ZNF611: variants seen among roughly 807,000 people sequenced by gnomAD.
The protein encoded by ZNF611 is zinc finger protein 611.
ZNF611 carries 6 observed loss-of-function variants against 8.9 expected under a neutral mutation model. The ratio of observed to expected loss-of-function variants is 0.68; its 90% CI spans 0.37 to 1.34. ZNF611 has a LOEUF of 1.34. Among genes scored for constraint, ZNF611 ranks in the 40% most tolerant of loss-of-function variants. The probability of loss-of-function intolerance (pLI) is 0.02; values close to 1 mark genes in which losing one functional copy is unlikely to be tolerated. For missense variants in ZNF611, 874 were observed against 841.3 expected, an observed-to-expected ratio of 1.04 and a Z score of -0.48; for synonymous variants, 262 against 279.7, an observed-to-expected ratio of 0.94 and a Z score of 0.63.
chr19:52,705,812 G>C lies in ZNF611; in HGVS notation c.1243C>G (p.Arg415Gly). 3 of 1,612,412 alleles carry C rather than the reference G, an allele frequency of 1.9e-6. No homozygotes were observed. The highest frequency in any genetic ancestry group is 2.5e-6 in the Non-Finnish European group (3 of 1,179,596). ...TAFTWHSQLA[R>G]HRRIHTAKKT... ...TTTGCAGTATGAATTCTTCTATGTC[G>C]AGCCAGCTGTGAATGCCACGTGAAA... The change falls in exon 6 of 6, where the codon CGA (arginine) becomes GGA (glycine). Residue 415 changes from arginine (R) to glycine (G), a missense_variant. By Grantham distance (125) the Arg-to-Gly change is moderately radical. Transcript: ENST00000652185.
rs1455504679 is a variant in ZNF611, at chr19:52,705,184, C to T, written c.1871G>A (p.Cys624Tyr). The T allele has an allele frequency of 1.2e-6, 2 of 1,614,060 alleles. No homozygotes were observed. Among genetic ancestry groups the T allele is most frequent in the Admixed American group, 3.3e-5 (2 of 59,998 alleles). ...RLHSGEKPYK[C>Y]NECGNTFRHC... is the part of the protein sequence containing the mutation. ...ACGGAAGGTATTGCCACACTCATTACACTTGTAAGGTTTCTCACCACTATG... is the reference window on the plus strand; with the variant it reads ...ACGGAAGGTATTGCCACACTCATTATACTTGTAAGGTTTCTCACCACTATG... Residue 624 changes from cysteine to tyrosine, a missense_variant, in exon 6 of 6, where the codon TGT (cysteine) becomes TAT (tyrosine). Coordinates refer to ENST00000652185, the MANE Select transcript of ZNF611 (RefSeq NM_001161499.2).
intron 1 of ZNF611, among the ~76,000 whole-genome samples, chr19:52,733,472 T>G (rs2062437745): frequency 6.6e-6 from 1 of 152,112 alleles, no homozygotes; most frequent in African/African-American, 2.4e-5. Context: ...GGTTATTTAC[T>G]TACTTTTTTG....
chr19:52,714,686 TCA>T (rs1385788257), intron 4 of ZNF611, among the ~76,000 whole-genome samples: 1 of 69,136 alleles, frequency 1.4e-5, no homozygotes, highest in Non-Finnish European at 2.6e-5. Context: ...ACACTCCATC[TCA>T]AAAAACAAAA....
At position 52,717,219 on chromosome 19, in the gene ZNF611, C is replaced by T. The variant is rs533835085; in HGVS notation, c.-19-1306G>A. Among the ~76,000 whole-genome samples the T allele has an allele frequency of 1.8e-4, 27 of 152,266 alleles. No homozygotes were observed. The South Asian group carries it at 4.3e-3, about 25-fold the overall frequency. On this transcript the variant is annotated intron_variant, in intron 3 of 5. Transcript: ENST00000652185. ...TCTCCATAAAATGTATAAAATTAAG[C>T]TCTGCCCCGACTATCTTGGGCAAAA...
At chr19:52,732,774 G>A (rs1226334173) in intron 1 of ZNF611, among the ~76,000 whole-genome samples, 3 of 134,704 alleles carry the variant, frequency 2.2e-5, no homozygotes, top group Non-Finnish European at 3.2e-5. Context: ...GTGAAACTCC[G>A]TTTCTACAAA....
At chr19:52,725,907 A>T (rs112231636) in intron 3 of ZNF611, among the ~76,000 whole-genome samples, 4,287 of 152,200 alleles carry the variant, frequency 0.028, 190 homozygotes, top group African/African-American at 0.095. Context: ...GGACCTGTGC[A>T]TCTCTCCGCC....
intron 4 of ZNF611, among the ~76,000 whole-genome samples, chr19:52,714,419 A>G (rs1353530093): frequency 3.3e-5 from 5 of 152,184 alleles, no homozygotes; most frequent in Admixed American, 6.5e-5. Context: ...CAGGCATGGC[A>G]GTTCACGCTT....
chr19:52,717,032 C>CAA (rs1012014951), intron 3 of ZNF611, among the ~76,000 whole-genome samples: 1 of 137,032 alleles, frequency 7.3e-6, no homozygotes, highest in Admixed American at 7.4e-5. Context: ...GACTTCATCT[C>CAA]AAAAAAAAAA....
intron 5 of ZNF611, among the ~76,000 whole-genome samples, chr19:52,713,479 G>C (rs1659179377): frequency 6.6e-6 from 1 of 152,188 alleles, no homozygotes; most frequent in African/African-American, 2.4e-5. Flanking sequence ...GAGCCCGAAT[G>C]ATGTCCTCGC....
intron 5 of ZNF611, among the ~76,000 whole-genome samples, chr19:52,707,975 T>C (rs1018446448): frequency 6.6e-6 from 1 of 152,082 alleles, no homozygotes; most frequent in African/African-American, 2.4e-5. Context: ...TTATATTGCA[T>C]ACCACATACC....
intron 5 of ZNF611, among the ~76,000 whole-genome samples, chr19:52,709,118 A>T (rs532657044): frequency 6.6e-6 from 1 of 152,174 alleles, no homozygotes; most frequent in Non-Finnish European, 1.5e-5. Flanking sequence ...CATTGGCTAA[A>T]AGCCACTATC....
intron 3 of ZNF611, chr19:52,723,761 G>A (rs2062374797): frequency 6.6e-6 from 1 of 152,238 alleles, no homozygotes; most frequent in Non-Finnish European, 1.5e-5. Context: ...TACCATCTCA[G>A]AGAGGGGGAT....
In ZNF611 at chr19:52,705,504, C is replaced by A. The variant is rs758332045; in HGVS notation, c.1551G>T (p.Lys517Asn). The change falls in exon 6 of 6, where the codon AAG (lysine) becomes AAT (asparagine). Residue 517 changes from lysine (K) to asparagine (N), a missense_variant. Coordinates refer to ENST00000652185, the MANE Select transcript of ZNF611 (RefSeq NM_001161499.2). ...CAAGGCTTGATTTACGACTGAAAACCTTTTCACATTCATCACATTTGTAAG... is the reference window on the plus strand; with the variant it reads ...CAAGGCTTGATTTACGACTGAAAACATTTTCACATTCATCACATTTGTAAG... ...EQPYKCDECE[K>N]VFSRKSSLET... The A allele has an allele frequency of 9.9e-6, 16 of 1,613,388 alleles. No homozygotes were observed. Among genetic ancestry groups the A allele is most frequent in the Non-Finnish European group, 3.4e-6 (4 of 1,179,870 alleles).
intron 3 of ZNF611, among the ~76,000 whole-genome samples, chr19:52,718,490 AAG>A (rs1462171194): frequency 6.6e-6 from 1 of 151,884 alleles, no homozygotes; most frequent in Admixed American, 6.6e-5. Flanking sequence ...GGACAGCAGT[AAG>A]AGTGTCTCAA....
Position 52,704,609 on chromosome 19 carries a change from A to T in ZNF611, c.*328T>A. 1 of 1,578,900 alleles carries T rather than the reference A, an allele frequency of 6.3e-7. No homozygotes were observed. The highest frequency in any genetic ancestry group is 8.7e-7 in the Non-Finnish European group (1 of 1,149,810). On this transcript the variant is annotated 3_prime_UTR_variant, in exon 6 of 6. Coordinates refer to ENST00000652185, the MANE Select transcript of ZNF611 (RefSeq NM_001161499.2). ...TTGCCACATTTATTACACTTGTAAG[A>T]TCTCTCTTCATTATGGATTCTCCAA...
At chr19:52,729,335 A>T (rs73934873) in intron 2 of ZNF611, among the ~76,000 whole-genome samples, 2,643 of 151,982 alleles carry the variant, frequency 0.017, 82 homozygotes, top group African/African-American at 0.059. Flanking sequence ...ATAAGAAAAG[A>T]TTACAAAATT....
rs1217015492 is a variant in ZNF611 at position 52,718,399 on chromosome 19, A to G, written c.-19-2486T>C. 6.6e-5 allele frequency among the ~76,000 whole-genome samples: 10 copies of G among 151,940 alleles called. No homozygotes were observed. In the East Asian group the frequency reaches 1.9e-3, roughly 29 times the overall value. ...GCGTGCCTGTGGTCCCAGGGAATCC[A>G]GAGGCTGAGGTGGGAAAATCACTTG... On this transcript the variant is annotated intron_variant, in intron 3 of 5. Transcript: ENST00000652185.
intron 2 of ZNF611, 131 bp downstream of exon 2, chr19:52,729,775 A>C (rs2062414343): frequency 6.6e-6 from 1 of 152,174 alleles, no homozygotes; most frequent in Non-Finnish European, 1.5e-5. Context: ...TTCCCTCTTA[A>C]GAAAAAAGCC....
intron 3 of ZNF611, among the ~76,000 whole-genome samples, chr19:52,717,959 A>C (rs1047537628): frequency 1.3e-5 from 2 of 152,220 alleles, no homozygotes; most frequent in African/African-American, 4.8e-5. Flanking sequence ...AACTGAACAC[A>C]ATCTCATAGA....
Sources: allele counts gnomAD v4.1 joint callset (sites outside exome capture counted in the v4.1 genomes callset), GRCh38; gene constraint gnomAD v4.1.1; transcripts MANE v1.5; gene names NCBI Gene and HGNC (gene_info 2026-07-23, HGNC 2026-07-21).